The following NTRK2 variants were observed in gnomAD, a reference collection of about 807,000 sequenced individuals.
The protein encoded by NTRK2 is BDNF/NT-3 growth factors receptor.
Under a neutral mutation model 94.5 loss-of-function variants are expected in NTRK2, and 13 were observed. The ratio of observed to expected loss-of-function variants is 0.14; its 90% confidence interval spans 0.09 to 0.22. The LOEUF (loss-of-function observed/expected upper bound fraction) is 0.22. Among genes scored for constraint, NTRK2 ranks in the 10% least tolerant of loss-of-function variants. NTRK2 has a pLI of 1.00. For synonymous variants in NTRK2, 372 were observed against 407.4 expected (o/e 0.91, Z 1.05); for missense variants, 639 against 1,071.2 (o/e 0.60, Z 5.63).
At chr9:85,012,403 C>T (rs1831719474) in intron 17 of NTRK2, among the ~76,000 whole-genome samples, 1 of 152,106 alleles carries the variant, frequency 6.6e-6, no homozygotes, top group African/African-American at 2.4e-5. Flanking sequence ...ACTTCCACCA[C>T]AACCACGACA....
At chr9:84,855,086 A>T (rs1422747948) in intron 12 of NTRK2, among the ~76,000 whole-genome samples, 1 of 152,024 alleles carries the variant, frequency 6.6e-6, no homozygotes, top group Non-Finnish European at 1.5e-5. Flanking sequence ...GGGAAGACCG[A>T]GTAGGTTGGC....
chr9:84,985,770 C>T (rs1011346740), intron 17 of NTRK2, among the ~76,000 whole-genome samples: 1 of 152,204 alleles, frequency 6.6e-6, no homozygotes. Flanking sequence ...ATACAGCCAA[C>T]ATTGATTAAG....
At chr9:84,706,532 T>G (rs555259259) in intron 4 of NTRK2, among the ~76,000 whole-genome samples, 9,490 of 120,984 alleles carry the variant, frequency 0.078, 840 homozygotes, top group African/African-American at 0.18. Flanking sequence ...TTTTTGTTTT[T>G]TTTTTTTTTT....
At chr9:84,710,438 A>G (rs2061357462) in intron 5 of NTRK2, among the ~76,000 whole-genome samples, 199 bp from the exon 6 acceptor site, 1 of 152,154 alleles carries the variant, frequency 6.6e-6, no homozygotes, top group African/African-American at 2.4e-5. Flanking sequence ...ATCATTCTCC[A>G]GTGCTGTCTG....
chr9:84,727,204 TAA>T (rs151042015), intron 8 of NTRK2, among the ~76,000 whole-genome samples: 2,141 of 152,336 alleles, frequency 0.014, 52 homozygotes, highest in African/African-American at 0.05. Flanking sequence ...GGCAAAATTT[TAA>T]AAGTCATTTT....
chr9:84,944,431 T>C (rs1168231145), intron 15 of NTRK2, among the ~76,000 whole-genome samples: 4 of 152,124 alleles, frequency 2.6e-5, no homozygotes, highest in African/African-American at 9.7e-5. Context: ...CCTGGCCCAA[T>C]CTAGCATTCT....
Position 84,885,776 on chromosome 9 carries a change from T to C in NTRK2, c.1633+18345T>C, listed in dbSNP as rs140108864. 4.7e-3 allele frequency among the ~76,000 whole-genome samples: 709 copies of C among 152,268 alleles called. 13 individuals are homozygous for C. Among genetic ancestry groups the C allele is most frequent in the Admixed American group, 0.038 (578 of 15,306 alleles). On this transcript the variant is annotated intron_variant, in intron 14 of 18. Coordinates refer to ENST00000277120, the MANE Select transcript of NTRK2 (RefSeq NM_006180.6). ...GGCCTGGTGGCTCACGCCTGTAATC[T>C]CAGCACTTTGGGAGGCCGAGGCAGG...
At chr9:84,923,237 G>A (rs761260502) in intron 14 of NTRK2, among the ~76,000 whole-genome samples, 11 of 152,102 alleles carry the variant, frequency 7.2e-5, no homozygotes, top group African/African-American at 2.2e-4. Flanking sequence ...TGTTCAGAGC[G>A]TTCCCCATTA....
At chr9:84,962,467 A>T (rs1341823389) in intron 17 of NTRK2, among the ~76,000 whole-genome samples, 1 of 151,314 alleles carries the variant, frequency 6.6e-6, no homozygotes, top group Admixed American at 6.6e-5. Context: ...CTAGCAGTAG[A>T]TGGGTAAATC....
intron 12 of NTRK2, among the ~76,000 whole-genome samples, chr9:84,788,149 C>T (rs1361863627): frequency 1.3e-5 from 2 of 152,066 alleles, no homozygotes; most frequent in South Asian, 2.1e-4. Context: ...ATCATCATCA[C>T]GATCATCATT....
At chr9:84,676,576 G>A (rs942638201) in intron 2 of NTRK2, among the ~76,000 whole-genome samples, 1 of 152,140 alleles carries the variant, frequency 6.6e-6, no homozygotes, top group Non-Finnish European at 1.5e-5. Flanking sequence ...AAAAATCAAG[G>A]GCAGTGAAGA....
chr9:84,707,718 G>A (rs1313763285), intron 4 of NTRK2, 126 bp from the exon 5 acceptor site: 1 of 713,982 alleles, frequency 1.4e-6, no homozygotes, highest in East Asian at 2.7e-5. Flanking sequence ...GAGAGATCTG[G>A]ATGTAAGTAA....
intron 17 of NTRK2, among the ~76,000 whole-genome samples, chr9:85,006,473 A>C (rs1830973397): frequency 6.6e-6 from 1 of 152,234 alleles, no homozygotes; most frequent in Non-Finnish European, 1.5e-5. Context: ...CCTCCAAGCC[A>C]GACTGCCATC....
intron 12 of NTRK2, among the ~76,000 whole-genome samples, chr9:84,854,684 C>T (rs988589370): frequency 2.0e-5 from 3 of 151,976 alleles, no homozygotes. Flanking sequence ...CGGTGGCTCA[C>T]GACTGTAATC....
intron 6 of NTRK2, among the ~76,000 whole-genome samples, chr9:84,718,065 TTTC>T (rs1254935319): frequency 6.7e-6 from 1 of 148,864 alleles, no homozygotes; most frequent in Non-Finnish European, 1.5e-5. Flanking sequence ...CCTCCTCTTC[TTTC>T]TTCTTCCTTT....
At chr9:84,873,339 C>T (rs2132127313) in intron 14 of NTRK2, 1 of 1,058,316 alleles carries the variant, frequency 9.4e-7, no homozygotes, top group African/African-American at 1.6e-5. Context: ...GTCCATTCTG[C>T]CCAGCACGAG....
chr9:84,697,971 C>CT (rs2060489588), intron 2 of NTRK2, among the ~76,000 whole-genome samples: 1 of 151,946 alleles, frequency 6.6e-6, no homozygotes, highest in African/African-American at 2.4e-5. Flanking sequence ...TCTTTCTTTT[C>CT]TTTTTTCTTC....
At chr9:84,807,087 C>CT (rs755105795) in intron 12 of NTRK2, among the ~76,000 whole-genome samples, 10 of 152,322 alleles carry the variant, frequency 6.6e-5, no homozygotes, top group Non-Finnish European at 1.5e-4. Context: ...CTGCATCTTT[C>CT]TTCCGTTCCC....
At chr9:85,007,339 G>A (rs1366471068) in intron 17 of NTRK2, among the ~76,000 whole-genome samples, 4 of 152,228 alleles carry the variant, frequency 2.6e-5, no homozygotes, top group African/African-American at 9.6e-5. Flanking sequence ...AGATCAAAAT[G>A]TAGGGGACCC....
Sources: gnomAD v4.1 joint callset for allele counts (sites outside exome capture counted in the v4.1 genomes callset) on GRCh38, gnomAD v4.1.1 for gene constraint, MANE v1.5 for transcripts, NCBI Gene and HGNC (gene_info 2026-07-23, HGNC 2026-07-21) for gene names.